Variants in KLHL29 observed in about 807,000 individuals in gnomAD.
KLHL29 encodes the protein kelch-like protein 29.
In KLHL29, 21 loss-of-function variants were observed where a neutral mutation model predicts 80.4. The observed-to-expected ratio is 0.26, with a 90% CI of 0.19 to 0.38. The LOEUF (loss-of-function observed/expected upper bound fraction) is 0.38, where lower values mean the gene tolerates loss of function less well. KLHL29 is among the 10% of genes least tolerant of loss of function. The pLI is 1.00. For synonymous variants in KLHL29, 511 were observed against 526.8 expected, an observed-to-expected ratio of 0.97 and a Z score of 0.41; for missense variants, 867 against 1,223.9, an observed-to-expected ratio of 0.71 and a Z score of 4.35.
intron 2 of KLHL29, among the ~76,000 whole-genome samples, chr2:23,525,058 A>T (rs1666258292): frequency 6.6e-6 from 1 of 152,224 alleles, no homozygotes; most frequent in African/African-American, 2.4e-5. Context: ...TTTTTAAAAG[A>T]TCTCCTCAAA....
rs537300973 is a variant in KLHL29 at position 23,613,099 on chromosome 2, G to A, written c.286-26040G>A. ...CAAGGATGAGGGATGTAATATCTATGGATATTACAATGAAATACAAAATAC... is the reference window on the plus strand; with the variant it reads ...CAAGGATGAGGGATGTAATATCTATAGATATTACAATGAAATACAAAATAC... On this transcript the variant is annotated intron_variant, in intron 3 of 13. Transcript: ENST00000486442. Among the ~76,000 whole-genome samples the A allele has an allele frequency of 1.4e-4, 22 of 152,060 alleles. No homozygotes were observed. The South Asian group carries it at 4.6e-3, about 32-fold the overall frequency.
Position 23,547,282 on chromosome 2 carries a change from C to T in KLHL29, c.-45-14870C>T, listed in dbSNP as rs115180650. On this transcript the variant is annotated intron_variant, in intron 2 of 13. Coordinates refer to ENST00000486442, the MANE Select transcript of KLHL29 (RefSeq NM_052920.2). ...TGCTGCCATTCTCATTACCCGATTC[C>T]GAGCCTGGGTCCGGCCAGAGCTGGG... Among the ~76,000 whole-genome samples the T allele has an allele frequency of 3.4e-3, 514 of 152,238 alleles. 4 individuals are homozygous for T. Among genetic ancestry groups the T allele is most frequent in the African/African-American group, 0.012 (495 of 41,524 alleles).
intron 1 of KLHL29, among the ~76,000 whole-genome samples, chr2:23,454,732 C>G (rs969649555): frequency 2.0e-5 from 3 of 151,946 alleles, no homozygotes; most frequent in Non-Finnish European, 2.9e-5. Context: ...TTTGCTATTC[C>G]TCTGTTCTTG....
At chr2:23,670,529 A>C (rs1389827655) in intron 5 of KLHL29, among the ~76,000 whole-genome samples, 2 of 152,036 alleles carry the variant, frequency 1.3e-5, no homozygotes, top group Non-Finnish European at 2.9e-5. Flanking sequence ...CCCAGGCCTG[A>C]CATAGGCCTC....
chr2:23,418,555 A>C (rs905861610), intron 1 of KLHL29, among the ~76,000 whole-genome samples: 7 of 152,202 alleles, frequency 4.6e-5, no homozygotes. Flanking sequence ...GTTAATGCTC[A>C]CTTTCTCCTC....
chr2:23,437,347 G>A (rs1663373094), intron 1 of KLHL29, among the ~76,000 whole-genome samples: 1 of 152,196 alleles, frequency 6.6e-6, no homozygotes, highest in African/African-American at 2.4e-5. Flanking sequence ...ATTTTAATGA[G>A]GTCCTTAATG....
At chr2:23,401,194 A>G (rs1007264411) in intron 1 of KLHL29, among the ~76,000 whole-genome samples, 2 of 152,230 alleles carry the variant, frequency 1.3e-5, no homozygotes, top group African/African-American at 2.4e-5. Flanking sequence ...TCTACAGTAG[A>G]GACCTGTGGA....
At chr2:23,405,804 G>A (rs917437969) in intron 1 of KLHL29, among the ~76,000 whole-genome samples, 1 of 152,300 alleles carries the variant, frequency 6.6e-6, no homozygotes, top group African/African-American at 2.4e-5. Flanking sequence ...TGAGCACATG[G>A]TTTTGGAGGT....
chr2:23,655,285 T>C, intron 5 of KLHL29, among the ~76,000 whole-genome samples: 1 of 152,204 alleles, frequency 6.6e-6, no homozygotes, highest in East Asian at 1.9e-4. Flanking sequence ...GCAATAAAGT[T>C]AATGGAGCCA....
intron 1 of KLHL29, among the ~76,000 whole-genome samples, chr2:23,411,632 G>C (rs1294817703): frequency 6.6e-6 from 1 of 152,096 alleles, no homozygotes. Context: ...CGGGAGATGA[G>C]ACAAAAATAT....
chr2:23,560,194 G>A (rs1043008205), intron 2 of KLHL29, among the ~76,000 whole-genome samples: 27 of 149,250 alleles, frequency 1.8e-4, no homozygotes, highest in Admixed American at 6.0e-4. Flanking sequence ...AAGTTCAGCC[G>A]AAAAAGTTTA....
At chr2:23,460,615 C>G (rs1430104538) in intron 1 of KLHL29, among the ~76,000 whole-genome samples, 3 of 152,010 alleles carry the variant, frequency 2.0e-5, no homozygotes, top group Non-Finnish European at 4.4e-5. Context: ...CACAGTGGAG[C>G]TGGCCAAGCA....
intron 3 of KLHL29, among the ~76,000 whole-genome samples, chr2:23,569,441 A>C (rs1042293632): frequency 9.9e-5 from 15 of 152,236 alleles, no homozygotes; most frequent in Admixed American, 7.8e-4. Context: ...ATCACTCAAG[A>C]TGAACATAAA....
chr2:23,564,086 C>T (rs1192381703), intron 3 of KLHL29, among the ~76,000 whole-genome samples: 1 of 152,216 alleles, frequency 6.6e-6, no homozygotes, highest in Non-Finnish European at 1.5e-5. Context: ...CTCGGGGCTC[C>T]AGGTGGGAGA....
At chr2:23,464,317 A>C (rs1443594443) in intron 1 of KLHL29, among the ~76,000 whole-genome samples, 1 of 152,132 alleles carries the variant, frequency 6.6e-6, no homozygotes, top group African/African-American at 2.4e-5. Context: ...CTTGCTGACC[A>C]CTTGGGACAG....
chr2:23,407,941 G>C (rs573253508), intron 1 of KLHL29, among the ~76,000 whole-genome samples: 3 of 151,930 alleles, frequency 2.0e-5, no homozygotes, highest in Admixed American at 2.0e-4. Flanking sequence ...TTGAGACGGA[G>C]TTTCTTGTCA....
rs1484542303 is a variant in KLHL29, at chr2:23,502,660, C to T, written c.-46+26993C>T. Among the ~76,000 whole-genome samples the T allele has an allele frequency of 3.3e-5, 5 of 152,374 alleles. No homozygotes were observed. In the South Asian group the frequency reaches 6.2e-4, roughly 19 times the overall value. On this transcript the variant is annotated intron_variant, in intron 2 of 13. Transcript: ENST00000486442. ...TCCAGCACCTGTCACTAGGCGCAGG[C>T]GGTCAGCAGGGATTCAAACCACCAC...
At chr2:23,586,803 C>T (rs1224192168) in intron 3 of KLHL29, among the ~76,000 whole-genome samples, 1 of 152,108 alleles carries the variant, frequency 6.6e-6, no homozygotes, top group Non-Finnish European at 1.5e-5. Context: ...TGCCCCTCTC[C>T]CTTAGCACAC....
chr2:23,410,365 G>T (rs932780578), intron 1 of KLHL29, among the ~76,000 whole-genome samples: 1 of 152,136 alleles, frequency 6.6e-6, no homozygotes, highest in Non-Finnish European at 1.5e-5. Flanking sequence ...GTAAAGGAGA[G>T]GGATGTCTCA....
Sources: allele counts gnomAD v4.1 joint callset (sites outside exome capture counted in the v4.1 genomes callset), GRCh38; gene constraint gnomAD v4.1.1; transcripts MANE v1.5; gene names NCBI Gene and HGNC (gene_info 2026-07-23, HGNC 2026-07-21).